ATP11B: variants seen among roughly 807,000 people sequenced by gnomAD.
The protein encoded by ATP11B is phospholipid-transporting ATPase IF.
ATP11B carries 81 observed loss-of-function variants against 157.8 expected under a neutral mutation model. The ratio of observed to expected loss-of-function variants is 0.51; its 90% confidence interval spans 0.43 to 0.62. The LOEUF (loss-of-function observed/expected upper bound fraction) is 0.62. Among genes scored for constraint, ATP11B ranks in the 20% least tolerant of loss-of-function variants. The pLI, the probability that ATP11B is intolerant of heterozygous loss-of-function variation, is 0.00. For missense variants in ATP11B, 1,165 were observed against 1,402.2 expected (o/e 0.83, Z 2.70); for synonymous variants, 451 against 469.4 (o/e 0.96, Z 0.51).
At chr3:182,902,492 C>T (rs1035331762) in intron 28 of ATP11B, 18 of 1,289,222 alleles carry the variant, frequency 1.4e-5, no homozygotes, top group Non-Finnish European at 1.8e-5. Context: ...TGTACTCCAA[C>T]ACAGTTGCTT....
chr3:182,793,884 C>T, intron 1 of ATP11B, 98 bp downstream of exon 1: 1 of 826,760 alleles, frequency 1.2e-6, no homozygotes, highest in Non-Finnish European at 1.6e-6. Flanking sequence ...GCCGGGAGGC[C>T]AGGGCGTGGG....
At chr3:182,803,806 C>T (rs574700995) in intron 1 of ATP11B, among the ~76,000 whole-genome samples, 4 of 152,166 alleles carry the variant, frequency 2.6e-5, no homozygotes, top group South Asian at 2.1e-4. Flanking sequence ...ATTTAGGACA[C>T]GTACCAGCAT....
chr3:182,830,805 T>C (rs1718076083), intron 4 of ATP11B, among the ~76,000 whole-genome samples: 1 of 152,248 alleles, frequency 6.6e-6, no homozygotes, highest in South Asian at 2.1e-4. Context: ...GCCACAGCTC[T>C]AAGTTCGATT....
intron 25 of ATP11B, among the ~76,000 whole-genome samples, chr3:182,889,932 A>G (rs1025914340): frequency 2.0e-5 from 3 of 152,182 alleles, no homozygotes; most frequent in Admixed American, 6.5e-5. Flanking sequence ...CAATAATCTT[A>G]TTAGAGAGGT....
At chr3:182,876,104 G>A (rs899140127) in intron 19 of ATP11B, among the ~76,000 whole-genome samples, 5 of 152,120 alleles carry the variant, frequency 3.3e-5, no homozygotes, top group East Asian at 1.9e-4. Flanking sequence ...TTATCCAGGT[G>A]TGGGGGTGTG....
In ATP11B at chr3:182,896,720, T is replaced by G; in HGVS notation, c.3003T>G (p.Phe1001Leu). Residue 1001 changes from phenylalanine to leucine, a missense_variant, in exon 26 of 30, where the codon TTT becomes TTG. This residue lies in a region of ATP11B where 303 missense variants were observed against 296.3 expected (regional missense o/e 1.02). Transcript: ENST00000323116. The stretch of plus-strand genomic sequence containing the variant: ...TTTAGATGTTTGGAAACTGGACATT[T>G]GGCACTTTGGTCTTCACAGTCATGG... ...GNGQMFGNWT[F>L]GTLVFTVMVI... 2 of 1,613,154 alleles carry G rather than the reference T, an allele frequency of 1.2e-6. No individual in the cohort carries two copies. Among genetic ancestry groups the G allele is most frequent in the Non-Finnish European group, 1.7e-6 (2 of 1,179,288 alleles).
intron 27 of ATP11B, 132 bp from the exon 28 acceptor site, chr3:182,898,475 A>G: frequency 3.4e-6 from 2 of 582,554 alleles, no homozygotes; most frequent in Non-Finnish European, 5.5e-6. Context: ...TCAGTTAATT[A>G]AATTATACTG....
chr3:182,909,409 A>G (rs559855309), intron 28 of ATP11B, among the ~76,000 whole-genome samples: 1 of 152,296 alleles, frequency 6.6e-6, no homozygotes, highest in Admixed American at 6.5e-5. Context: ...CTTCTAGTAA[A>G]TTAAAAGTTA....
chr3:182,891,267 G>T (rs571335801), intron 25 of ATP11B, among the ~76,000 whole-genome samples: 11 of 152,278 alleles, frequency 7.2e-5, no homozygotes, highest in African/African-American at 2.6e-4. Flanking sequence ...GGATGAAAAG[G>T]ATGTTAAAGA....
intron 12 of ATP11B, 27 bp downstream of exon 12, chr3:182,859,386 C>G (rs767965719): frequency 2.0e-6 from 3 of 1,514,388 alleles, no homozygotes; most frequent in Non-Finnish European, 2.7e-6. Context: ...TATTTTGTTT[C>G]TCTAATTTGT....
At chr3:182,917,112 G>A (rs1237110226) in intron 29 of ATP11B, 1 of 985,200 alleles carries the variant, frequency 1.0e-6, no homozygotes, top group East Asian at 1.1e-4. Flanking sequence ...CTCTGGGAAA[G>A]AGAAAATATT....
At chr3:182,832,537 A>G (rs1718231935) in intron 4 of ATP11B, among the ~76,000 whole-genome samples, 1 of 152,194 alleles carries the variant, frequency 6.6e-6, no homozygotes, top group Admixed American at 6.5e-5. Context: ...GTAAAAGTGA[A>G]AGTTGCCATG....
chr3:182,869,271 C>T lies in ATP11B; in HGVS notation c.1806C>T (p.Leu602=). The part of the protein sequence containing the change: ...LFAKGAESSI[L]PKCIGGEIEK... The stretch of plus-strand genomic sequence containing the variant: ...CTAAAGGAGCTGAGTCATCAATTCT[C>T]CCTAAATGTATAGGTGGAGAAATAG... The change falls in exon 17 of 30, where the codon CTC becomes CTT. Residue 602 remains leucine, a synonymous_variant. Coordinates refer to ENST00000323116, the MANE Select transcript of ATP11B (RefSeq NM_014616.3). The T allele has an allele frequency of 1.2e-6, 2 of 1,610,566 alleles. No individual in the cohort carries two copies. The highest frequency in any genetic ancestry group is 8.5e-7 in the Non-Finnish European group (1 of 1,178,510).
rs1722276466 is a variant in ATP11B, at chr3:182,879,537, A to G, written c.2294A>G (p.Asp765Gly). 1 of 1,612,694 alleles carries G rather than the reference A, an allele frequency of 6.2e-7. No homozygotes were observed. Among genetic ancestry groups the G allele is most frequent in the South Asian group, 1.1e-5 (1 of 90,752 alleles). ...DHVIQHGLVV[D>G]GTSLSLALRE... ...GTGATTCAGCATGGGCTGGTAGTGG[A>G]TGGGACCAGCCTATCTCTTGCACTC... The change falls in exon 20 of 30, where the codon GAT (aspartate) becomes GGT (glycine). Residue 765 changes from aspartate (D) to glycine (G), a missense_variant. Around this residue, in one of 4 missense-constraint regions of ATP11B, gnomAD observed 737 missense variants for 930.5 expected, o/e 0.79. Transcript: ENST00000323116.
chr3:182,911,692 TCTTCCTTAC>T (rs1199183336), intron 28 of ATP11B, among the ~76,000 whole-genome samples: 1 of 152,140 alleles, frequency 6.6e-6, no homozygotes, highest in Non-Finnish European at 1.5e-5. Context: ...TCTCCCACCT[TCTTCCTTAC>T]CTTTAGCTCA....
At chr3:182,865,281 T>G (rs1358682885) in intron 12 of ATP11B, among the ~76,000 whole-genome samples, 175 bp from the exon 13 acceptor site, 1 of 152,220 alleles carries the variant, frequency 6.6e-6, no homozygotes, top group Non-Finnish European at 1.5e-5. Context: ...CCTGTTTTCT[T>G]TCCTTGGCAT....
intron 25 of ATP11B, among the ~76,000 whole-genome samples, chr3:182,895,069 T>C (rs904920153): frequency 3.6e-5 from 5 of 137,510 alleles, no homozygotes; most frequent in Middle Eastern, 4.1e-3. Flanking sequence ...GCCGAGATCA[T>C]GCCATTGCAC....
intron 28 of ATP11B, among the ~76,000 whole-genome samples, chr3:182,901,537 G>A (rs1415475492): frequency 6.6e-6 from 1 of 152,034 alleles, no homozygotes; most frequent in Non-Finnish European, 1.5e-5. Flanking sequence ...CATCATGTCT[G>A]CACTCAAAAA....
At chr3:182,803,056 G>A (rs763481435) in intron 1 of ATP11B, among the ~76,000 whole-genome samples, 16 of 152,224 alleles carry the variant, frequency 1.1e-4, no homozygotes, top group South Asian at 1.0e-3. Context: ...GTTACAAAAA[G>A]TGTTACAATG....
Sources: gnomAD v4.1 joint callset for allele counts (sites outside exome capture counted in the v4.1 genomes callset) on GRCh38, gnomAD v4.1.1 for gene constraint, gnomAD v4.1.1 regional missense constraint, MANE v1.5 for transcripts, NCBI Gene and HGNC (gene_info 2026-07-23, HGNC 2026-07-21) for gene names.